The following RASSF4 variants were observed in gnomAD, a reference collection of about 807,000 sequenced individuals.
RASSF4 encodes Ras association domain family member 4, also known as ras association domain-containing protein 4.
Under a neutral mutation model 41.1 loss-of-function variants are expected in RASSF4, and 38 were observed. The observed-to-expected ratio is 0.92, with a 90% CI of 0.71 to 1.21. The LOEUF is 1.21. Among genes scored for constraint, RASSF4 ranks in the 50% most tolerant of loss-of-function variants. The probability of loss-of-function intolerance (pLI) is 0.00; values close to 1 mark genes in which losing one functional copy is unlikely to be tolerated. For missense variants in RASSF4, 414 were observed against 419.4 expected (o/e 0.99, Z 0.11); for synonymous variants, 179 against 163.4 (o/e 1.10, Z -0.73).
At position 44,974,209 on chromosome 10, in the gene RASSF4, G is replaced by A. The variant is rs368212649; in HGVS notation, c.138+2361G>A. On this transcript the variant is annotated intron_variant, in intron 3 of 10. Transcript: ENST00000340258. ...TGCTGCAGGGGCAGGGCCATCCCAGGCCAGTCTCTCCTCAGGCACCACAGG... is the reference window on the plus strand; with the variant it reads ...TGCTGCAGGGGCAGGGCCATCCCAGACCAGTCTCTCCTCAGGCACCACAGG... Among the ~76,000 whole-genome samples the A allele has an allele frequency of 3.9e-5, 6 of 152,238 alleles. No individual in the cohort carries two copies. The East Asian group carries it at 7.7e-4, about 20-fold the overall frequency.
chr10:44,969,099 C>CGT (rs1159600541), intron 1 of RASSF4, among the ~76,000 whole-genome samples: 1 of 111,694 alleles, frequency 9.0e-6, no homozygotes, highest in Non-Finnish European at 2.1e-5. Context: ...ATTGTGTATG[C>CGT]GTGTGTTTTT....
At chr10:44,990,053 C>T (rs1210948859) in intron 8 of RASSF4, among the ~76,000 whole-genome samples, 3 of 152,208 alleles carry the variant, frequency 2.0e-5, no homozygotes, top group Non-Finnish European at 4.4e-5. Flanking sequence ...TATAGGAAGC[C>T]TCCCTCTCCG....
chr10:44,984,088 G>A lies in RASSF4; in HGVS notation c.348G>A (p.Lys116=). 1 of 1,605,418 alleles carries A rather than the reference G, an allele frequency of 6.2e-7. No individual in the cohort carries two copies. The highest frequency in any genetic ancestry group is 8.5e-7 in the Non-Finnish European group (1 of 1,176,212). ...GGCCAAGCATTCAGCCAGTGCACAA[G>A]GCTGAGAGTTCCACAGACAGCTCGG... ...AQGPSIQPVH[K]AESSTDSSGP... Residue 116 remains lysine (K), a synonymous_variant, in exon 5 of 11, where the codon AAG becomes AAA. Transcript: ENST00000340258.
intron 1 of RASSF4, among the ~76,000 whole-genome samples, chr10:44,963,648 A>C (rs1016538292): frequency 8.5e-5 from 13 of 152,160 alleles, no homozygotes; most frequent in African/African-American, 3.1e-4. Context: ...TGCCCCACAC[A>C]CTTGTCCTCC....
chr10:44,992,098 A>G (rs1476155213), intron 10 of RASSF4, 96 bp downstream of exon 10: 2 of 755,904 alleles, frequency 2.6e-6, no homozygotes, highest in African/African-American at 1.7e-5. Flanking sequence ...TCTCTCCTCC[A>G]TGGGCACCAG....
intron 3 of RASSF4, among the ~76,000 whole-genome samples, chr10:44,979,525 C>A (rs542220290): frequency 6.6e-6 from 1 of 152,134 alleles, no homozygotes; most frequent in Non-Finnish European, 1.5e-5. Context: ...AGGAAAGCAG[C>A]GCAGTGGCAT....
At chr10:44,968,651 C>T (rs117101678) in intron 1 of RASSF4, among the ~76,000 whole-genome samples, 1,825 of 152,186 alleles carry the variant, frequency 0.012, 14 homozygotes, top group Non-Finnish European at 0.018. Flanking sequence ...TGGACTGGTC[C>T]AAGTGAGTGC....
chr10:44,978,185 C>T, intron 3 of RASSF4: 3 of 774,420 alleles, frequency 3.9e-6, no homozygotes, highest in Non-Finnish European at 6.0e-6. Flanking sequence ...CTACAGAGCC[C>T]AGACCAGAGC....
chr10:44,972,949 G>A (rs901403370), intron 3 of RASSF4, among the ~76,000 whole-genome samples: 3 of 152,336 alleles, frequency 2.0e-5, no homozygotes, highest in Admixed American at 1.3e-4. Flanking sequence ...AGATCAGAGG[G>A]CCGGCTGGAA....
intron 3 of RASSF4, among the ~76,000 whole-genome samples, chr10:44,975,043 G>C (rs568532328): frequency 6.6e-6 from 1 of 152,164 alleles, no homozygotes; most frequent in Non-Finnish European, 1.5e-5. Flanking sequence ...GTGAGCCCCA[G>C]GCGGCAGGAC....
intron 2 of RASSF4, 122 bp from the exon 3 acceptor site, chr10:44,971,651 C>A: frequency 1.2e-6 from 1 of 813,508 alleles, no homozygotes; most frequent in Non-Finnish European, 2.2e-6. Context: ...TATGCCTGGC[C>A]GGCGAGAAGG....
Position 44,984,092 on chromosome 10 carries a change from G to A in RASSF4, c.352G>A (p.Glu118Lys), listed in dbSNP as rs2132794852. Reference sequence around the variant, plus strand: ...AAGCATTCAGCCAGTGCACAAGGCTGAGAGTTCCACAGACAGCTCGGGTAA... The same window carrying A: ...AAGCATTCAGCCAGTGCACAAGGCTAAGAGTTCCACAGACAGCTCGGGTAA... ...GPSIQPVHKA[E>K]SSTDSSGPLE... The change falls in exon 5 of 11, where the codon GAG (glutamate) becomes AAG (lysine). Residue 118 changes from glutamate (E) to lysine (K), a missense_variant. Coordinates refer to ENST00000340258, the MANE Select transcript of RASSF4 (RefSeq NM_032023.4). 6.2e-7 allele frequency: 1 copy of A among 1,604,854 alleles called. No homozygotes were observed. Among genetic ancestry groups the A allele is most frequent in the Non-Finnish European group, 8.5e-7 (1 of 1,175,928 alleles).
chr10:44,973,928 G>C (rs1428376131), intron 3 of RASSF4, among the ~76,000 whole-genome samples: 1 of 152,252 alleles, frequency 6.6e-6, no homozygotes, highest in Non-Finnish European at 1.5e-5. Context: ...TAACGCTGAA[G>C]AAAGTGTAAG....
intron 2 of RASSF4, chr10:44,970,818 G>A (rs1286985963): frequency 6.5e-6 from 1 of 154,532 alleles, no homozygotes; most frequent in Non-Finnish European, 1.4e-5. Context: ...ACGGGGAGCA[G>A]GCACTTCACA....
intron 6 of RASSF4, 92 bp from the exon 7 acceptor site, chr10:44,989,182 C>T (rs945647977): frequency 1.6e-5 from 12 of 749,278 alleles, no homozygotes; most frequent in East Asian, 7.5e-5. Flanking sequence ...CAGATCTCAG[C>T]GTCACCTGCT....
chr10:44,972,078 A>G (rs78977500), intron 3 of RASSF4, among the ~76,000 whole-genome samples: 7,296 of 152,172 alleles, frequency 0.048, 615 homozygotes, highest in African/African-American at 0.17. Context: ...CATCCCTTCC[A>G]GAGTTCCCAG....
In RASSF4 at chr10:44,989,628, C is replaced by T. The variant is rs111485871; in HGVS notation, c.634-42C>T. The T allele has an allele frequency of 1.5e-4, 238 of 1,598,266 alleles. 1 individual carries two copies. In the African/African-American group the frequency reaches 2.6e-3, roughly 18 times the overall value. On this transcript the variant is annotated intron_variant, in intron 7 of 10. Transcript: ENST00000340258. ...GGGGACCCTCTCAGTTCTCTCCCAT[C>T]TCCAAGCACCGTGATCTGACTTCCT...
rs1588856038 is a variant in RASSF4, at chr10:44,994,286, T to C, written c.*957T>C. On this transcript the variant is annotated 3_prime_UTR_variant, in exon 11 of 11. Coordinates refer to ENST00000340258, the MANE Select transcript of RASSF4 (RefSeq NM_032023.4). ...CCCCAGATACTGAACAATTTGTGTTTGTGACTGATGGAGAATTTCAGGAAT... is the reference window on the plus strand; with the variant it reads ...CCCCAGATACTGAACAATTTGTGTTCGTGACTGATGGAGAATTTCAGGAAT... 3.3e-5 allele frequency: 5 copies of C among 152,684 alleles called. No homozygotes were observed. The South Asian group carries it at 1.0e-3, about 32-fold the overall frequency. The allele number at this position is 152,684 out of a possible 1,614,324, so 9.5% of individuals were successfully genotyped here. A position where few individuals can be genotyped will look rare whatever the true frequency, so the allele number is the denominator to read the frequency against.
chr10:44,960,871 A>C (rs1046169655), intron 1 of RASSF4, among the ~76,000 whole-genome samples: 1 of 151,204 alleles, frequency 6.6e-6, no homozygotes, highest in Non-Finnish European at 1.5e-5. Flanking sequence ...CTAAGGTGTC[A>C]ATCAGGATTT....
Sources: gnomAD v4.1 joint callset for allele counts (sites outside exome capture counted in the v4.1 genomes callset) on GRCh38, gnomAD v4.1.1 for gene constraint, MANE v1.5 for transcripts, NCBI Gene and HGNC (gene_info 2026-07-23, HGNC 2026-07-21) for gene names.